The following COG1 variants were observed in gnomAD, a reference collection of about 807,000 sequenced individuals.
COG1 encodes conserved oligomeric Golgi complex subunit 1.
A neutral mutation model predicts 102.2 loss-of-function variants in COG1; 61 were observed. The ratio of observed to expected loss-of-function variants is 0.60; its 90% CI spans 0.49 to 0.74. The LOEUF is 0.74. Among genes scored for constraint, COG1 ranks in the 30% least tolerant of loss-of-function variants. COG1 has a pLI of 0.00. For synonymous variants in COG1, 454 were observed against 493.6 expected, an observed-to-expected ratio of 0.92 and a Z score of 1.06; for missense variants, 1,164 against 1,232.1, an observed-to-expected ratio of 0.94 and a Z score of 0.83.
chr17:73,207,071 C>G (rs1180986677), intron 12 of COG1, 110 bp from the exon 13 acceptor site: 1 of 933,164 alleles, frequency 1.1e-6, no homozygotes, highest in Non-Finnish European at 1.6e-6. Context: ...CCAGCCTGGG[C>G]GACAGAACGA....
chr17:73,194,192 C>T (rs1459786649), intron 1 of COG1, among the ~76,000 whole-genome samples: 1 of 142,652 alleles, frequency 7.0e-6, no homozygotes, highest in Non-Finnish European at 1.6e-5. Flanking sequence ...CCTGTAATCC[C>T]AGCACTTTGG....
Position 73,201,592 on chromosome 17 carries a change from C to T in COG1, c.1765C>T (p.Leu589=). Residue 589 remains leucine, a synonymous_variant, in exon 7 of 14, where the codon CTA becomes TTA. Transcript: ENST00000299886. ...KHIVDCIRAE[L]QSIEEGVQGQ... ...CATCGTGGACTGCATCCGGGCAGAGCTACAGAGCATTGAAGAGGGTGTGCA... is the reference window on the plus strand; with the variant it reads ...CATCGTGGACTGCATCCGGGCAGAGTTACAGAGCATTGAAGAGGGTGTGCA... 4 of 1,614,216 alleles carry T rather than the reference C, an allele frequency of 2.5e-6. 1 individual carries two copies. The South Asian group carries it at 4.4e-5, about 18-fold the overall frequency.
rs777144980 is a variant in COG1 at position 73,200,647 on chromosome 17, C to T, written c.1152C>T (p.Asp384=). 1.6e-5 allele frequency: 26 copies of T among 1,614,112 alleles called. No individual in the cohort carries two copies. The highest frequency in any genetic ancestry group is 5.5e-5 in the South Asian group (5 of 91,076). The change falls in exon 6 of 14, where the codon GAC becomes GAT. Residue 384 remains aspartate (D), a synonymous_variant. Coordinates refer to ENST00000299886, the MANE Select transcript of COG1 (RefSeq NM_018714.3). ...TGAAGGGTCTCGCGGGAATCCGGGA[C>T]GCCATGTGGGAGTTACTTACCAATG... ...KSMKGLAGIR[D]AMWELLTNES... is the part of the protein sequence containing the mutation.
Position 73,201,316 on chromosome 17 carries a change from C to G in COG1, c.1489C>G (p.Gln497Glu). The change falls in exon 7 of 14, where the codon CAG becomes GAG. Residue 497 changes from glutamine (Q) to glutamate (E), a missense_variant. Transcript: ENST00000299886. ...AAWVSVANRG[Q>E]FASSGLSMKA... The stretch of plus-strand genomic sequence containing the variant: ...CTGGGTCAGCGTGGCAAACCGGGGT[C>G]AGTTTGCCAGTAGCGGCCTCTCCAT... 2.5e-6 allele frequency: 4 copies of G among 1,614,240 alleles called. No individual in the cohort carries two copies. Among genetic ancestry groups the G allele is most frequent in the Non-Finnish European group, 3.4e-6 (4 of 1,180,046 alleles).
chr17:73,204,435 CAA>C (rs2061359748), intron 9 of COG1, among the ~76,000 whole-genome samples: 1 of 152,152 alleles, frequency 6.6e-6, no homozygotes, highest in Admixed American at 6.6e-5. Context: ...TTGCCTGCCA[CAA>C]AGTGTGACAC....
At chr17:73,194,093 A>C (rs1296424449) in intron 1 of COG1, among the ~76,000 whole-genome samples, 2 of 152,126 alleles carry the variant, frequency 1.3e-5, no homozygotes, top group Middle Eastern at 3.4e-3. Flanking sequence ...ACAATGAGGA[A>C]GGATGGGAGG....
At chr17:73,198,234 G>A (rs1276978608) in intron 4 of COG1, among the ~76,000 whole-genome samples, 1 of 152,118 alleles carries the variant, frequency 6.6e-6, no homozygotes, top group Admixed American at 6.6e-5. Context: ...GTGACAGATT[G>A]GCTGTAAGGA....
At chr17:73,207,788 C>G in intron 13 of COG1, 2 of 1,287,530 alleles carry the variant, frequency 1.6e-6, no homozygotes, top group Non-Finnish European at 2.0e-6. Flanking sequence ...GCTCAAACAG[C>G]TTGTCTTCTT....
Position 73,196,546 on chromosome 17 carries a change from G to A in COG1, c.355G>A (p.Ala119Thr), listed in dbSNP as rs773254666. ...PSQEKFYSMA[A>T]QIKLLLEIPE... The stretch of plus-strand genomic sequence containing the variant: ...CCAGGAGAAGTTCTACAGCATGGCT[G>A]CCCAGATCAAGCTACTCTTAGAAAT... The change falls in exon 2 of 14, where the codon GCC (alanine) becomes ACC (threonine). Residue 119 changes from alanine to threonine, a missense_variant. Transcript: ENST00000299886. 1.2e-6 allele frequency: 2 copies of A among 1,614,210 alleles called. No individual in the cohort carries two copies. The highest frequency in any genetic ancestry group is 2.2e-5 in the East Asian group (1 of 44,884).
chr17:73,198,126 C>T (rs546131352), intron 4 of COG1, among the ~76,000 whole-genome samples: 7 of 152,270 alleles, frequency 4.6e-5, no homozygotes, highest in Admixed American at 2.6e-4. Context: ...GCTGTTGCCA[C>T]GATCCAGGTG....
intron 12 of COG1, 180 bp from the exon 13 acceptor site, chr17:73,207,001 G>A (rs987593873): frequency 2.6e-5 from 18 of 704,410 alleles, no homozygotes; most frequent in Non-Finnish European, 4.1e-5. Flanking sequence ...GCTGAGGCAG[G>A]AGAATGGCGT....
rs796255622 is a variant in COG1, at chr17:73,202,030, C to A, written c.2073+130C>A. The A allele has an allele frequency of 7.6e-6, 8 of 1,054,706 alleles. No homozygotes were observed. The African/African-American group carries it at 1.1e-4, about 14-fold the overall frequency. The allele number at this position is 1,054,706 out of a possible 1,614,324, so 65.3% of individuals were successfully genotyped here. A position where few individuals can be genotyped will look rare whatever the true frequency, so the allele number is the denominator to read the frequency against. Reference sequence around the variant, plus strand: ...TTTCATACGGTTAACTTTATCTCTGCCAGAAAGTTCAGTAAAAACTTTTTT... The same window carrying A: ...TTTCATACGGTTAACTTTATCTCTGACAGAAAGTTCAGTAAAAACTTTTTT... On this transcript the variant is annotated intron_variant, in intron 7 of 13. Transcript: ENST00000299886.
intron 7 of COG1, among the ~76,000 whole-genome samples, chr17:73,202,762 G>A (rs1452574274): frequency 6.6e-6 from 1 of 152,136 alleles, no homozygotes; most frequent in African/African-American, 2.4e-5. Context: ...CAATCAGCCT[G>A]GGAGAAGGGC....
At chr17:73,206,578 A>G (rs1568298878) in intron 11 of COG1, 130 bp from the exon 12 acceptor site, 2 of 738,762 alleles carry the variant, frequency 2.7e-6, no homozygotes, top group East Asian at 2.7e-5. Context: ...TGAAGCATAA[A>G]TGCACTCAGA....
At chr17:73,202,277 T>TG (rs1253650281) in intron 7 of COG1, among the ~76,000 whole-genome samples, 1 of 152,122 alleles carries the variant, frequency 6.6e-6, no homozygotes, top group East Asian at 1.9e-4. Flanking sequence ...AGGCAGAGCT[T>TG]GCAGTGAGCC....
At chr17:73,194,391 G>A (rs1431811948) in intron 1 of COG1, among the ~76,000 whole-genome samples, 2 of 131,502 alleles carry the variant, frequency 1.5e-5, no homozygotes, top group East Asian at 2.3e-4. Context: ...GCAGTGAGCC[G>A]AGATCGCGCC....
intron 4 of COG1, 59 bp from the exon 5 acceptor site, chr17:73,199,806 G>A: frequency 6.2e-7 from 1 of 1,608,710 alleles, no homozygotes; most frequent in Non-Finnish European, 8.5e-7. Context: ...CTAACTCCCT[G>A]TTTCAATATG....
chr17:73,200,463 G>C, intron 5 of COG1, 103 bp from the exon 6 acceptor site: 1 of 1,019,082 alleles, frequency 9.8e-7, no homozygotes, highest in Admixed American at 1.7e-5. Flanking sequence ...TTATCTACTG[G>C]AACTCAGATA....
rs184781213 is a variant in COG1 at position 73,208,201 on chromosome 17, T to C, written c.2806-113T>C. 44 of 1,587,492 alleles carry C rather than the reference T, an allele frequency of 2.8e-5. No homozygotes were observed. The East Asian group carries it at 8.4e-4, about 30-fold the overall frequency. Reference sequence around the variant, plus strand: ...GTCCTCTGACTAGAGCCATCGTGCTTCTCAGCTCCGCTTGTGTGTGCCGTG... The same window carrying C: ...GTCCTCTGACTAGAGCCATCGTGCTCCTCAGCTCCGCTTGTGTGTGCCGTG... On this transcript the variant is annotated intron_variant, in intron 13 of 13. Transcript: ENST00000299886.
Sources: gnomAD v4.1 joint callset for allele counts (sites outside exome capture counted in the v4.1 genomes callset) on GRCh38, gnomAD v4.1.1 for gene constraint, MANE v1.5 for transcripts, NCBI Gene and HGNC (gene_info 2026-07-23, HGNC 2026-07-21) for gene names.